The following NEBL variants were observed in gnomAD, a reference collection of about 807,000 sequenced individuals.
The protein encoded by NEBL is LIM and SH3 protein 2.
Under a neutral mutation model 140.2 loss-of-function variants are expected in NEBL, and 122 were observed. The ratio of observed to expected loss-of-function variants is 0.87; its 90% CI spans 0.75 to 1.01. NEBL has a LOEUF of 1.01. Ranked by LOEUF, NEBL falls within the 50% of genes least tolerant of loss-of-function variation. NEBL has a pLI of 0.00. For synonymous variants in NEBL, 436 were observed against 398.9 expected (o/e 1.09, Z -1.11); for missense variants, 1,365 against 1,231.3 (o/e 1.11, Z -1.62).
intron 2 of NEBL, among the ~76,000 whole-genome samples, chr10:21,027,468 G>C (rs145514868): frequency 3.3e-5 from 5 of 151,796 alleles, no homozygotes; most frequent in Non-Finnish European, 7.4e-5. Flanking sequence ...GCTGGGACCA[G>C]AGGCAACTGC....
At chr10:20,951,887 G>A (rs577643506) in intron 4 of NEBL, among the ~76,000 whole-genome samples, 2 of 152,306 alleles carry the variant, frequency 1.3e-5, no homozygotes, top group African/African-American at 4.8e-5. Context: ...ACTGGAAATT[G>A]AGACGTGAAG....
chr10:20,810,513 G>T (rs888196403), intron 24 of NEBL, among the ~76,000 whole-genome samples: 1 of 152,172 alleles, frequency 6.6e-6, no homozygotes, highest in Non-Finnish European at 1.5e-5. Flanking sequence ...TTTAAAAAGT[G>T]TTATAAGCAA....
chr10:21,011,158 T>A (rs996290496), intron 3 of NEBL, among the ~76,000 whole-genome samples: 1 of 152,196 alleles, frequency 6.6e-6, no homozygotes, highest in African/African-American at 2.4e-5. Flanking sequence ...ACCTACATCT[T>A]ATGCCCTGAA....
chr10:20,906,930 G>A (rs1464939736), intron 4 of NEBL, among the ~76,000 whole-genome samples: 1 of 151,994 alleles, frequency 6.6e-6, no homozygotes, highest in Admixed American at 6.6e-5. Flanking sequence ...GCACTACAAT[G>A]AGACATGTTA....
intron 4 of NEBL, 50 bp from the exon 5 acceptor site, chr10:20,880,954 T>G: frequency 7.0e-7 from 1 of 1,437,994 alleles, no homozygotes; most frequent in Non-Finnish European, 9.8e-7. Flanking sequence ...TATAAATTCT[T>G]GCCTGCTAAT....
intron 3 of NEBL, among the ~76,000 whole-genome samples, chr10:21,236,835 T>C (rs903041859): frequency 1.3e-5 from 2 of 152,176 alleles, no homozygotes; most frequent in African/African-American, 4.8e-5. Flanking sequence ...TTCTAAAGCC[T>C]TTACTGTAAG....
intron 4 of NEBL, among the ~76,000 whole-genome samples, chr10:20,954,078 T>A (rs1006838407): frequency 1.8e-4 from 27 of 147,884 alleles, no homozygotes; most frequent in African/African-American, 6.0e-4. Context: ...GAGAAAGTAA[T>A]CCCATAAAAT....
intron 1 of NEBL, among the ~76,000 whole-genome samples, chr10:21,284,210 CAAAAAAAAA>C: frequency 2.7e-5 from 1 of 37,190 alleles, no homozygotes; most frequent in South Asian, 2.1e-3. Flanking sequence ...ACTCCGTCTC[CAAAAAAAAA>C]AAAAAAAAAA....
intron 5 of NEBL, among the ~76,000 whole-genome samples, chr10:20,874,943 T>C (rs1845341156): frequency 6.6e-6 from 1 of 152,132 alleles, no homozygotes; most frequent in African/African-American, 2.4e-5. Context: ...TTTATCATGT[T>C]GGCCAGGTTG....
intron 2 of NEBL, among the ~76,000 whole-genome samples, chr10:21,102,213 A>G (rs964396593): frequency 6.6e-6 from 1 of 152,228 alleles, no homozygotes; most frequent in Non-Finnish European, 1.5e-5. Flanking sequence ...TACCCAATGC[A>G]CAATCTAAAC....
chr10:21,265,568 C>T (rs1175015312), intron 1 of NEBL, among the ~76,000 whole-genome samples: 3 of 152,058 alleles, frequency 2.0e-5, no homozygotes, highest in African/African-American at 7.2e-5. Flanking sequence ...TTCAAGGGCA[C>T]ATAGTTTATA....
chr10:20,962,997 AAGAAAAACACAC>A (rs1405252614), intron 3 of NEBL, among the ~76,000 whole-genome samples: 2 of 114,510 alleles, frequency 1.7e-5, no homozygotes, highest in Non-Finnish European at 1.7e-5. Flanking sequence ...ACAAGCTTGA[AAGAAAAACACAC>A]ACACACACAC....
chr10:20,963,173 A>G (rs956184443), intron 3 of NEBL, among the ~76,000 whole-genome samples: 1 of 152,146 alleles, frequency 6.6e-6, no homozygotes, highest in African/African-American at 2.4e-5. Context: ...ATAAACTGCA[A>G]TATTTTTCTT....
chr10:21,022,761 CA>C (rs1564483251), intron 2 of NEBL, among the ~76,000 whole-genome samples: 1 of 152,170 alleles, frequency 6.6e-6, no homozygotes, highest in East Asian at 1.9e-4. Flanking sequence ...CCAAATCATA[CA>C]AGATGATTAT....
At chr10:21,172,705 C>G (rs1313863843) in intron 1 of NEBL, among the ~76,000 whole-genome samples, 1 of 152,106 alleles carries the variant, frequency 6.6e-6, no homozygotes, top group Non-Finnish European at 1.5e-5. Context: ...TACACAGACG[C>G]ACCATGGACG....
chr10:21,033,780 A>G (rs549868157), intron 2 of NEBL, among the ~76,000 whole-genome samples: 1 of 151,596 alleles, frequency 6.6e-6, no homozygotes, highest in East Asian at 1.9e-4. Flanking sequence ...AGAAAATTGT[A>G]TGATAAAATA....
intron 2 of NEBL, among the ~76,000 whole-genome samples, chr10:21,082,567 T>TAAAAAAAAAAAAAAAAAAAAAAAAAA (rs1836428175): frequency 9.4e-6 from 1 of 106,878 alleles, no homozygotes; most frequent in African/African-American, 4.7e-5. Flanking sequence ...AAAAAAAAAT[T>TAAAAAAAAAAAAAAAAAAAAAAAAAA]AAGACTGTGT....
chr10:21,237,873 C>G (rs1842381049), intron 3 of NEBL, among the ~76,000 whole-genome samples: 1 of 152,218 alleles, frequency 6.6e-6, no homozygotes, highest in African/African-American at 2.4e-5. Flanking sequence ...TCCCAAAGTG[C>G]TGGGATTACG....
intron 2 of NEBL, among the ~76,000 whole-genome samples, chr10:21,087,102 A>G (rs966082553): frequency 2.0e-5 from 3 of 152,230 alleles, no homozygotes; most frequent in Non-Finnish European, 4.4e-5. Context: ...CATTTCCAGT[A>G]AAACATATGA....
Sources: gnomAD v4.1 joint callset for allele counts (sites outside exome capture counted in the v4.1 genomes callset) on GRCh38, gnomAD v4.1.1 for gene constraint, MANE v1.5 for transcripts, NCBI Gene and HGNC (gene_info 2026-07-23, HGNC 2026-07-21) for gene names.